RIMS2: variants seen among roughly 807,000 people sequenced by gnomAD.
RIMS2 encodes regulating synaptic membrane exocytosis 2, also known as regulating synaptic membrane exocytosis protein 2.
RIMS2 carries 59 observed loss-of-function variants against 174.4 expected under a neutral mutation model. The observed-to-expected ratio is 0.34, with a 90% CI of 0.27 to 0.42. The LOEUF (loss-of-function observed/expected upper bound fraction) is 0.42, where lower values mean the gene tolerates loss of function less well. RIMS2 is among the 10% of genes least tolerant of loss of function. The probability of loss-of-function intolerance (pLI) is 1.00; values close to 1 mark genes in which losing one functional copy is unlikely to be tolerated. For missense variants in RIMS2, 1,620 were observed against 1,666.3 expected (o/e 0.97, Z 0.48); for synonymous variants, 606 against 572.5 (o/e 1.06, Z -0.84).
At chr8:103,863,319 C>A (rs574016599) in intron 3 of RIMS2, among the ~76,000 whole-genome samples, 2 of 152,026 alleles carry the variant, frequency 1.3e-5, no homozygotes, top group South Asian at 4.2e-4. Flanking sequence ...TAAAGCCAAC[C>A]TGATTGTGGT....
At chr8:103,985,230 C>T (rs559099432) in intron 16 of RIMS2, among the ~76,000 whole-genome samples, 70 of 152,080 alleles carry the variant, frequency 4.6e-4, no homozygotes, top group African/African-American at 1.6e-3. Context: ...AATCCCAGCA[C>T]TTTGGGAGGC....
rs1351762039 is a variant in RIMS2, at chr8:103,680,016, AGGCCTAAATTAGCTACT to A, written c.177-17068_177-17052del. ...AGTGACAGAGACTGTATGGACCACA[AGGCCTAAATTAGCTACT>A]GTCTGGTGCTTTACAGAAAAAGTTT... is the stretch of plus-strand genomic sequence containing the variant. On this transcript the variant is annotated intron_variant, in intron 1 of 23. Coordinates refer to ENST00000504942, the Ensembl canonical transcript of RIMS2. Among the ~76,000 whole-genome samples, 4 of 152,244 alleles carry A rather than the reference AGGCCTAAATTAGCTACT, an allele frequency of 2.6e-5. No homozygotes were observed. The East Asian group carries it at 7.7e-4, about 29-fold the overall frequency.
intron 3 of RIMS2, among the ~76,000 whole-genome samples, chr8:103,860,546 G>A (rs896755432): frequency 4.6e-5 from 7 of 151,998 alleles, no homozygotes; most frequent in Admixed American, 6.6e-5. Context: ...ATGAGATAGT[G>A]CAGTAAATCA....
chr8:103,947,641 T>C (rs1418233615), intron 14 of RIMS2, among the ~76,000 whole-genome samples: 1 of 152,214 alleles, frequency 6.6e-6, no homozygotes, highest in Non-Finnish European at 1.5e-5. Context: ...AATAGGGTAC[T>C]TATCATGAGT....
chr8:104,200,570 A>G (rs893534087), intron 19 of RIMS2, among the ~76,000 whole-genome samples: 2 of 152,200 alleles, frequency 1.3e-5, no homozygotes, highest in Non-Finnish European at 2.9e-5. Context: ...GTATTTTTAA[A>G]TATGAGTTGG....
intron 3 of RIMS2, among the ~76,000 whole-genome samples, chr8:103,802,280 C>T (rs575104046): frequency 1.8e-4 from 28 of 152,158 alleles, no homozygotes; most frequent in African/African-American, 5.8e-4. Context: ...CTGATATTTG[C>T]GTATATGCTC....
chr8:104,068,473 A>G (rs888006179), intron 19 of RIMS2, 39 bp from the exon 23 acceptor site: 3 of 922,058 alleles, frequency 3.3e-6, no homozygotes, highest in Non-Finnish European at 5.1e-6. Context: ...AGAAATAAGA[A>G]CTGAACATTA....
intron 3 of RIMS2, among the ~76,000 whole-genome samples, chr8:103,810,996 C>G (rs1203464718): frequency 6.6e-6 from 1 of 151,978 alleles, no homozygotes; most frequent in Non-Finnish European, 1.5e-5. Flanking sequence ...ATTTGTTTCT[C>G]AAGGAATCTA....
chr8:104,153,359 A>G (rs892472215), intron 19 of RIMS2, among the ~76,000 whole-genome samples: 3 of 152,190 alleles, frequency 2.0e-5, no homozygotes, highest in Non-Finnish European at 4.4e-5. Flanking sequence ...GAGTCATAGT[A>G]TGTCTATCTG....
chr8:103,942,774 T>G, exon 14 of RIMS2: 2 of 1,609,522 alleles, frequency 1.2e-6, no homozygotes, highest in Non-Finnish European at 1.7e-6. Flanking sequence ...GGTTTGTAGA[T>G]TTTAATTGAA....
chr8:103,855,177 T>C (rs978513251), intron 3 of RIMS2, among the ~76,000 whole-genome samples: 2 of 152,112 alleles, frequency 1.3e-5, no homozygotes, highest in African/African-American at 4.8e-5. Flanking sequence ...CAAAGATCTT[T>C]TGTATTTCTG....
chr8:104,129,555 C>T (rs1004582074), intron 19 of RIMS2, among the ~76,000 whole-genome samples: 19 of 152,132 alleles, frequency 1.2e-4, no homozygotes, highest in African/African-American at 3.9e-4. Context: ...CCAGATAGGG[C>T]GATGCATTCT....
chr8:103,586,278 A>G (rs1198953994), intron 1 of RIMS2, among the ~76,000 whole-genome samples: 1 of 152,220 alleles, frequency 6.6e-6, no homozygotes, highest in Non-Finnish European at 1.5e-5. Flanking sequence ...CATTTTATCC[A>G]ATAGCTGCAG....
At chr8:103,739,378 G>T (rs750916938) in intron 2 of RIMS2, among the ~76,000 whole-genome samples, 1 of 152,108 alleles carries the variant, frequency 6.6e-6, no homozygotes, top group Non-Finnish European at 1.5e-5. Context: ...GGGGCCTGTC[G>T]TAGGGTAGAG....
At chr8:103,789,844 C>G (rs2098480850) in intron 3 of RIMS2, among the ~76,000 whole-genome samples, 1 of 150,708 alleles carries the variant, frequency 6.6e-6, no homozygotes, top group South Asian at 2.1e-4. Flanking sequence ...CCTCAACCTC[C>G]CAGGCTGTAG....
chr8:103,846,010 C>G (rs933913737), intron 3 of RIMS2, among the ~76,000 whole-genome samples: 8 of 152,130 alleles, frequency 5.3e-5, no homozygotes, highest in African/African-American at 1.9e-4. Context: ...CATTCTTAAA[C>G]TAGGCCTTTT....
At chr8:103,506,026 C>T (rs548027045) in intron 1 of RIMS2, among the ~76,000 whole-genome samples, 131 of 152,092 alleles carry the variant, frequency 8.6e-4, no homozygotes, top group African/African-American at 3.1e-3. Flanking sequence ...TTGTGATCTT[C>T]TTAGAATGAT....
intron 16 of RIMS2, among the ~76,000 whole-genome samples, chr8:103,984,722 C>T (rs1337447666): frequency 6.6e-6 from 1 of 152,154 alleles, no homozygotes; most frequent in African/African-American, 2.4e-5. Context: ...GAAGGGAAAT[C>T]GGTATATCAA....
At chr8:103,813,946 C>T (rs922974410) in intron 3 of RIMS2, among the ~76,000 whole-genome samples, 6 of 152,106 alleles carry the variant, frequency 3.9e-5, no homozygotes, top group African/African-American at 1.2e-4. Context: ...GAAACATGCA[C>T]TCGTATGTTC....
Sources: allele counts gnomAD v4.1 joint callset (sites outside exome capture counted in the v4.1 genomes callset), GRCh38; gene constraint gnomAD v4.1.1; transcripts MANE v1.5; gene names NCBI Gene and HGNC (gene_info 2026-07-23, HGNC 2026-07-21).